SPTB: variants seen among roughly 807,000 people sequenced by gnomAD.
SPTB encodes the protein spectrin beta, erythrocytic.
Under a neutral mutation model 256.2 loss-of-function variants are expected in SPTB, and 45 were observed. The observed-to-expected ratio is 0.18, with a 90% confidence interval of 0.14 to 0.23. The LOEUF (loss-of-function observed/expected upper bound fraction) is 0.23, where lower values mean the gene tolerates loss of function less well. Among genes scored for constraint, SPTB ranks in the 10% least tolerant of loss-of-function variants. SPTB has a pLI of 1.00. For missense variants in SPTB, 2,715 were observed against 3,040.4 expected (o/e 0.89, Z 2.52); for synonymous variants, 1,231 against 1,243.1 (o/e 0.99, Z 0.21).
chr14:64,834,199 C>A (rs1467866568), intron 1 of SPTB, among the ~76,000 whole-genome samples: 1 of 151,764 alleles, frequency 6.6e-6, no homozygotes, highest in Non-Finnish European at 1.5e-5. Context: ...GCTAATTTTT[C>A]TATTTTTAGT....
chr14:64,850,493 T>G (rs888387233), intron 1 of SPTB, among the ~76,000 whole-genome samples: 1 of 152,156 alleles, frequency 6.6e-6, no homozygotes, highest in Non-Finnish European at 1.5e-5. Flanking sequence ...ATCCTCAAGT[T>G]TCCAGCCCCT....
At position 64,749,879 on chromosome 14, in the gene SPTB, C is replaced by T; in HGVS notation, c.6776+102G>A. 1.3e-6 allele frequency: 2 copies of T among 1,541,148 alleles called. No homozygotes were observed. Among genetic ancestry groups the T allele is most frequent in the Non-Finnish European group, 1.8e-6 (2 of 1,115,696 alleles). On this transcript the variant is annotated intron_variant, in intron 34 of 35. Coordinates refer to ENST00000644917, the MANE Select transcript of SPTB (RefSeq NM_001355436.2). The surrounding 1 kb of genome is among the most constrained non-coding windows in gnomAD (Gnocchi z 4.7). Reference sequence around the variant, plus strand: ...TTTGATTTGAAAAACCCCTGAGGAGCAGCTCAGGCCTGGCACTGGTCCCCT... The same window carrying T: ...TTTGATTTGAAAAACCCCTGAGGAGTAGCTCAGGCCTGGCACTGGTCCCCT...
At chr14:64,751,760 A>C (rs1171837220) in intron 33 of SPTB, among the ~76,000 whole-genome samples, 2 of 152,022 alleles carry the variant, frequency 1.3e-5, no homozygotes, top group Non-Finnish European at 2.9e-5. Context: ...CAAGTATACT[A>C]AACTTTTTAA....
At chr14:64,868,227 C>T (rs1882310323) in intron 1 of SPTB, among the ~76,000 whole-genome samples, 1 of 151,916 alleles carries the variant, frequency 6.6e-6, no homozygotes, top group South Asian at 2.1e-4. Flanking sequence ...ATTATTCAAA[C>T]ATAAGAATAG....
Position 64,775,540 on chromosome 14 carries a change from G to A in SPTB, c.4564-137C>T. 8.4e-7 allele frequency: 1 copy of A among 1,189,410 alleles called. No individual in the cohort carries two copies. The highest frequency in any genetic ancestry group is 2.7e-5 in the Admixed American group (1 of 36,942). The allele number at this position is 1,189,410 out of a possible 1,614,324, so 73.7% of individuals were successfully genotyped here. ...AGAGCAGAGCAGGTGATGGCGATAA[G>A]AACTACCAATGACCTCTTGCGGGCT... On this transcript the variant is annotated intron_variant, in intron 22 of 35. Transcript: ENST00000644917. The surrounding 1 kb of genome is among the most constrained non-coding windows in gnomAD (Gnocchi z 5.0).
intron 1 of SPTB, among the ~76,000 whole-genome samples, chr14:64,851,380 T>G (rs1355137855): frequency 2.6e-5 from 4 of 152,210 alleles, no homozygotes; most frequent in Non-Finnish European, 5.9e-5. Flanking sequence ...GTTGTGAATA[T>G]TAAAGACTTC....
In SPTB at chr14:64,748,262, G is replaced by A. The variant is rs917311823; in HGVS notation, c.*1044C>T. 2 of 151,760 alleles carry A rather than the reference G, an allele frequency of 1.3e-5. No individual in the cohort carries two copies. The highest frequency in any genetic ancestry group is 4.9e-5 in the African/African-American group (2 of 40,998). The allele number at this position is 151,760 out of a possible 1,614,324, so 9.4% of individuals were successfully genotyped here. A position where few individuals can be genotyped will look rare whatever the true frequency, so the allele number is the denominator to read the frequency against. On this transcript the variant is annotated 3_prime_UTR_variant, in exon 36 of 36. Coordinates refer to ENST00000644917, the MANE Select transcript of SPTB (RefSeq NM_001355436.2). Reference sequence around the variant, plus strand: ...CCTCCAAAGTCCCAGCTGCAGACAGGATGCAATTGAGCATTTGGCTTTGGG... The same window carrying A: ...CCTCCAAAGTCCCAGCTGCAGACAGAATGCAATTGAGCATTTGGCTTTGGG...
intron 1 of SPTB, among the ~76,000 whole-genome samples, chr14:64,851,511 T>C (rs1399562480): frequency 6.6e-6 from 1 of 152,138 alleles, no homozygotes; most frequent in Non-Finnish European, 1.5e-5. Flanking sequence ...GTAGTAGTAG[T>C]AGCAGCAGTA....
At chr14:64,784,123 T>C (rs2082519180) in intron 19 of SPTB, 124 bp downstream of exon 19, 2 of 1,439,802 alleles carry the variant, frequency 1.4e-6, no homozygotes, top group Non-Finnish European at 9.5e-7. Context: ...TTTAGAAAAG[T>C]TGTTCGCTGC....
chr14:64,801,332 T>C lies in SPTB; in HGVS notation c.716A>G (p.Asn239Ser), dbSNP rs756224667. The part of the protein sequence containing the change: ...NARHNLEHAF[N>S]VAERQLGIIP... ...GATGCCCAGCTGGCGCTCAGCCACA[T>C]TGAATGCGTGCTCCAGGTTGTGCCG... Residue 239 changes from asparagine to serine, a missense_variant, in exon 7 of 36, where the codon AAT (asparagine) becomes AGT (serine). This residue lies in a region of SPTB where 416 missense variants were observed against 571.1 expected (regional missense o/e 0.73). Coordinates refer to ENST00000644917, the MANE Select transcript of SPTB (RefSeq NM_001355436.2). 56 of 1,614,050 alleles carry C rather than the reference T, an allele frequency of 3.5e-5. No individual in the cohort carries two copies. The highest frequency in any genetic ancestry group is 4.5e-5 in the Non-Finnish European group (53 of 1,180,018).
Position 64,800,642 on chromosome 14 carries a change from T to TG in SPTB, c.876+113dup, listed in dbSNP as rs1485930537. ...TGCCAAGGTCAGCTTTAGAGGAAGT[T>TG]GGGGGGTGGGTGAGCTGTACTCTTC... is the stretch of plus-strand genomic sequence containing the variant. On this transcript the variant is annotated intron_variant, in intron 8 of 35. Coordinates refer to ENST00000644917, the MANE Select transcript of SPTB (RefSeq NM_001355436.2). 6 of 903,034 alleles carry TG rather than the reference T, an allele frequency of 6.6e-6. No homozygotes were observed. The East Asian group carries it at 1.5e-4, about 23-fold the overall frequency. 55.9% of individuals were successfully genotyped at this position (903,034 alleles called of 1,614,324 possible).
In SPTB at chr14:64,797,862, A is replaced by C. The variant is rs368865951; in HGVS notation, c.1065-16T>G. 72 of 1,602,268 alleles carry C rather than the reference A, an allele frequency of 4.5e-5. No homozygotes were observed. The African/African-American group carries it at 9.0e-4, about 20-fold the overall frequency. ...CTCTTGAAACCTGTCAAGAAAACAG[A>C]AGTAGGAAGACTGATGTTAAGATCT... On this transcript the variant is annotated splice_polypyrimidine_tract_variant and intron_variant, in intron 9 of 35. Coordinates refer to ENST00000644917, the MANE Select transcript of SPTB (RefSeq NM_001355436.2).
intron 1 of SPTB, among the ~76,000 whole-genome samples, chr14:64,872,044 G>C (rs1882562109): frequency 6.6e-6 from 1 of 152,106 alleles, no homozygotes; most frequent in African/African-American, 2.4e-5. Context: ...GCTTCAAACA[G>C]ATGTCATGAA....
chr14:64,854,586 G>A (rs879416308), intron 1 of SPTB, among the ~76,000 whole-genome samples: 8 of 152,024 alleles, frequency 5.3e-5, no homozygotes, highest in African/African-American at 9.6e-5. Flanking sequence ...CCAGTTTTCC[G>A]GAATCTTGAT....
chr14:64,797,490 AAAAAAAAAAAAAGG>A, intron 10 of SPTB, among the ~76,000 whole-genome samples: 1 of 147,018 alleles, frequency 6.8e-6, no homozygotes, highest in African/African-American at 2.6e-5. Flanking sequence ...AAAAAAAAAA[AAAAAAAAAAAAAGG>A]ACTCAGGGAT....
At chr14:64,842,165 G>A (rs1302272677) in intron 1 of SPTB, among the ~76,000 whole-genome samples, 2 of 152,254 alleles carry the variant, frequency 1.3e-5, no homozygotes, top group Non-Finnish European at 2.9e-5. Flanking sequence ...CATGGTGGTG[G>A]ACACATAAGC....
intron 1 of SPTB, among the ~76,000 whole-genome samples, chr14:64,842,761 C>A (rs1018582780): frequency 5.9e-5 from 9 of 152,266 alleles, no homozygotes; most frequent in Non-Finnish European, 1.2e-4. Context: ...AGCAACTACA[C>A]CCCCCTCTAC....
intron 1 of SPTB, among the ~76,000 whole-genome samples, chr14:64,831,534 C>G (rs1017935723): frequency 6.6e-6 from 1 of 152,244 alleles, no homozygotes; most frequent in Non-Finnish European, 1.5e-5. Context: ...CAAGCTGGGT[C>G]ATGCTGAATA....
chr14:64,787,739 A>G (rs1174094611), intron 15 of SPTB, among the ~76,000 whole-genome samples: 2 of 152,268 alleles, frequency 1.3e-5, no homozygotes, highest in Non-Finnish European at 2.9e-5. Flanking sequence ...TGACTAGCAT[A>G]ATCTTAACCT....
Sources: allele counts gnomAD v4.1 joint callset (sites outside exome capture counted in the v4.1 genomes callset), GRCh38; gene constraint gnomAD v4.1.1; regional missense constraint gnomAD v4.1.1; non-coding constraint Gnocchi (gnomAD v3.1); transcripts MANE v1.5; gene names NCBI Gene and HGNC (gene_info 2026-07-23, HGNC 2026-07-21).